The following SPATA6 variants were observed in gnomAD, a reference collection of about 807,000 sequenced individuals.
The protein encoded by SPATA6 is spermatogenesis-associated protein 6.
A neutral mutation model predicts 65.3 loss-of-function variants in SPATA6; 56 were observed. That is an observed-to-expected ratio of 0.86 (90% CI 0.69 to 1.07). SPATA6 has a LOEUF of 1.07. Among genes scored for constraint, SPATA6 ranks in the 50% least tolerant of loss-of-function variants. SPATA6 has a pLI of 0.00. For synonymous variants in SPATA6, 199 were observed against 213.2 expected, an observed-to-expected ratio of 0.93 and a Z score of 0.58; for missense variants, 590 against 594.8, an observed-to-expected ratio of 0.99 and a Z score of 0.08.
At chr1:48,401,975 A>G (rs753205172) in intron 6 of SPATA6, among the ~76,000 whole-genome samples, 1 of 152,182 alleles carries the variant, frequency 6.6e-6, no homozygotes, top group Non-Finnish European at 1.5e-5. Context: ...ATAATGTTAC[A>G]TGCTAGGCAT....
intron 3 of SPATA6, among the ~76,000 whole-genome samples, chr1:48,445,438 T>C (rs1185502663): frequency 2.7e-5 from 4 of 150,806 alleles, no homozygotes; most frequent in East Asian, 2.0e-4. Context: ...CCAAGGCGGG[T>C]GAATCACGAG....
intron 3 of SPATA6, among the ~76,000 whole-genome samples, chr1:48,422,379 A>G (rs1319960054): frequency 6.6e-6 from 1 of 152,228 alleles, no homozygotes; most frequent in African/African-American, 2.4e-5. Flanking sequence ...TCTGGAAAAG[A>G]GAAATGAAAG....
At chr1:48,438,136 C>T (rs1429656267) in intron 3 of SPATA6, among the ~76,000 whole-genome samples, 1 of 152,128 alleles carries the variant, frequency 6.6e-6, no homozygotes, top group Non-Finnish European at 1.5e-5. Context: ...ATAAATCTTG[C>T]TGCTGCTCAC....
rs139237748 is a variant in SPATA6, at chr1:48,419,634, G to A, written c.239-6483C>T. On this transcript the variant is annotated intron_variant, in intron 3 of 12. Transcript: ENST00000371847. The stretch of plus-strand genomic sequence containing the variant: ...ACCTCATCCTGTAAGACTGGGCAAA[G>A]ATAAGTATGGGTAAGGGTAGGTTAC... Among the ~76,000 whole-genome samples, 442 of 152,280 alleles carry A rather than the reference G, an allele frequency of 2.9e-3. 2 individuals carry two copies. Among genetic ancestry groups the A allele is most frequent in the African/African-American group, 0.01 (422 of 41,566 alleles).
chr1:48,381,648 C>CTTTTTTTTTTT (rs36045284), intron 9 of SPATA6, among the ~76,000 whole-genome samples: 1 of 112,362 alleles, frequency 8.9e-6, no homozygotes, highest in African/African-American at 3.3e-5. Flanking sequence ...TATGGTTTTT[C>CTTTTTTTTTTT]TTTTTTTTTT....
chr1:48,362,092 T>A (rs1487819922), intron 9 of SPATA6, among the ~76,000 whole-genome samples: 2 of 152,060 alleles, frequency 1.3e-5, no homozygotes, highest in African/African-American at 4.8e-5. Flanking sequence ...ACAATGTAAG[T>A]GCATATGTTC....
intron 9 of SPATA6, among the ~76,000 whole-genome samples, chr1:48,366,381 C>A (rs1019352524): frequency 1.2e-4 from 18 of 152,160 alleles, no homozygotes; most frequent in African/African-American, 4.3e-4. Flanking sequence ...AGTACCCGTT[C>A]CTCCTTGTAC....
intron 11 of SPATA6, among the ~76,000 whole-genome samples, chr1:48,310,155 T>C (rs940553758): frequency 8.5e-5 from 13 of 152,232 alleles, no homozygotes; most frequent in Non-Finnish European, 1.5e-4. Context: ...ACCATTTCAG[T>C]TGGCAATGAG....
chr1:48,453,860 G>GGGA (rs1253292756), intron 1 of SPATA6, among the ~76,000 whole-genome samples: 2 of 151,518 alleles, frequency 1.3e-5, no homozygotes, highest in East Asian at 3.9e-4. Flanking sequence ...GAAGGAAGGT[G>GGGA]AGAAGGAAGG....
chr1:48,425,148 A>G (rs903355879), intron 3 of SPATA6, among the ~76,000 whole-genome samples: 13 of 152,126 alleles, frequency 8.5e-5, no homozygotes, highest in African/African-American at 3.1e-4. Context: ...TCTTCAATAC[A>G]TTTTGGTTTG....
chr1:48,446,260 C>T (rs774345970), intron 3 of SPATA6, among the ~76,000 whole-genome samples: 1 of 152,128 alleles, frequency 6.6e-6, no homozygotes, highest in East Asian at 1.9e-4. Context: ...ACTCTACTGC[C>T]GTGCCAGTGG....
chr1:48,329,711 C>T (rs976636300), intron 11 of SPATA6, among the ~76,000 whole-genome samples: 1 of 152,188 alleles, frequency 6.6e-6, no homozygotes, highest in Non-Finnish European at 1.5e-5. Context: ...TGGAATCCAT[C>T]AGGGCAGAGG....
At chr1:48,466,979 AAAG>A (rs1657855759) in intron 1 of SPATA6, among the ~76,000 whole-genome samples, 2 of 152,174 alleles carry the variant, frequency 1.3e-5, no homozygotes, top group Admixed American at 6.5e-5. Context: ...TTAAATATAA[AAAG>A]AAGGTAAAGA....
At chr1:48,265,437 A>C in the SPATA6 span, among the ~76,000 whole-genome samples, 1 of 151,856 alleles carries the variant, frequency 6.6e-6, no homozygotes, top group South Asian at 2.1e-4. Flanking sequence ...TCATGGATAA[A>C]CCAAAAGGTA....
chr1:48,354,689 A>G (rs1391188619), intron 11 of SPATA6, among the ~76,000 whole-genome samples: 2 of 152,112 alleles, frequency 1.3e-5, no homozygotes, highest in Admixed American at 6.6e-5. Flanking sequence ...TCATTTATAT[A>G]AAGCTCAAAA....
At chr1:48,372,131 G>C (rs936183816) in intron 9 of SPATA6, among the ~76,000 whole-genome samples, 2 of 152,040 alleles carry the variant, frequency 1.3e-5, no homozygotes, top group African/African-American at 4.8e-5. Context: ...GTCCCCCAAA[G>C]TCCGAACTCA....
In SPATA6 at chr1:48,296,719, C is replaced by T. The variant is rs900144385; in HGVS notation, c.*1994G>A. ...ATTGTAAAATACCTCATCATATAATCTACAGCCAGAGAGTAACTCAGCAAT... is the reference window on the plus strand; with the variant it reads ...ATTGTAAAATACCTCATCATATAATTTACAGCCAGAGAGTAACTCAGCAAT... On this transcript the variant is annotated 3_prime_UTR_variant, in exon 13 of 13. Transcript: ENST00000371847. 4 of 152,106 alleles carry T rather than the reference C, an allele frequency of 2.6e-5. No homozygotes were observed. The highest frequency in any genetic ancestry group is 9.7e-5 in the African/African-American group (4 of 41,424). 9.4% of individuals were successfully genotyped at this position (152,106 alleles called of 1,614,324 possible).
intron 11 of SPATA6, among the ~76,000 whole-genome samples, chr1:48,316,888 C>G (rs1645443054): frequency 6.6e-6 from 1 of 152,142 alleles, no homozygotes; most frequent in Non-Finnish European, 1.5e-5. Context: ...AGACACTTCT[C>G]AAAAGAAGAC....
intron 10 of SPATA6, among the ~76,000 whole-genome samples, chr1:48,356,945 C>G (rs1022936678): frequency 1.3e-5 from 2 of 152,064 alleles, no homozygotes; most frequent in East Asian, 1.9e-4. Context: ...AAAGCAAGTT[C>G]TATTGCATCT....
Sources: allele counts gnomAD v4.1 joint callset (sites outside exome capture counted in the v4.1 genomes callset), GRCh38; gene constraint gnomAD v4.1.1; transcripts MANE v1.5; gene names NCBI Gene and HGNC (gene_info 2026-07-23, HGNC 2026-07-21).